The following AP2M1 variants were observed in gnomAD, a reference collection of about 807,000 sequenced individuals.
AP2M1 encodes AP-2 complex subunit mu.
Under a neutral mutation model 54.5 loss-of-function variants are expected in AP2M1, and 5 were observed. The observed-to-expected ratio is 0.09, with a 90% CI of 0.05 to 0.19. AP2M1 has a LOEUF of 0.19. AP2M1 is among the 10% of genes least tolerant of loss of function. The probability of loss-of-function intolerance (pLI) is 1.00; values close to 1 mark genes in which losing one functional copy is unlikely to be tolerated. For missense variants in AP2M1, 178 were observed against 580.2 expected, an observed-to-expected ratio of 0.31 and a Z score of 7.12; for synonymous variants, 186 against 208.2, an observed-to-expected ratio of 0.89 and a Z score of 0.92.
chr3:184,180,806 C>T lies in AP2M1; in HGVS notation c.430-43C>T. ...GATAGAGACAGGATGATTAAAGGGA[C>T]AGAGGAGTGAGGCCATTGCTGTTTG... On this transcript the variant is annotated intron_variant, in intron 5 of 11. Transcript: ENST00000292807. The surrounding 1 kb of genome is among the most constrained non-coding windows in gnomAD (Gnocchi z 4.9). The T allele has an allele frequency of 6.2e-7, 1 of 1,614,190 alleles. No homozygotes were observed. The highest frequency in any genetic ancestry group is 8.5e-7 in the Non-Finnish European group (1 of 1,180,042).
intron 3 of AP2M1, 82 bp downstream of exon 3, chr3:184,179,204 C>T: frequency 1.3e-6 from 2 of 1,523,930 alleles, no homozygotes; most frequent in Non-Finnish European, 9.0e-7. Context: ...GGGTGTAGGT[C>T]CGAGGCTCTG....
In AP2M1 at chr3:184,181,255, A is replaced by G. The variant is rs1376689824; in HGVS notation, c.707+29A>G. 1.2e-6 allele frequency: 2 copies of G among 1,613,166 alleles called. No individual in the cohort carries two copies. The highest frequency in any genetic ancestry group is 1.7e-6 in the Non-Finnish European group (2 of 1,179,720). ...CCTGAGGCAGGAGAGCTGGTGGGAG[A>G]GGGTGTCCCTTGGAGGGCTCAGTGG... On this transcript the variant is annotated intron_variant, in intron 7 of 11. Coordinates refer to ENST00000292807, the MANE Select transcript of AP2M1 (RefSeq NM_004068.4). This position sits in a 1 kb window ranked among gnomAD's most constrained non-coding sequence, Gnocchi z 5.7.
rs545187978 is a variant in AP2M1 at position 184,180,503 on chromosome 3, G to A, written c.424-142G>A. 2.2e-6 allele frequency: 3 copies of A among 1,342,558 alleles called. No individual in the cohort carries two copies. In the African/African-American group the frequency reaches 4.4e-5, roughly 20 times the overall value. 83.2% of individuals were successfully genotyped at this position (1,342,558 alleles called of 1,614,324 possible). A position where few individuals can be genotyped will look rare whatever the true frequency, so the allele number is the denominator to read the frequency against. ...TTTTGCACTGAGGGGTGGGGGAGGA[G>A]GCCTGGTCTTGAGGCCTGGTATTCC... On this transcript the variant is annotated intron_variant, in intron 4 of 11. Transcript: ENST00000292807. This position sits in a 1 kb window ranked among gnomAD's most constrained non-coding sequence, Gnocchi z 4.9.
chr3:184,175,052 C>T (rs1385433814), intron 1 of AP2M1, 93 bp downstream of exon 1: 2 of 397,502 alleles, frequency 5.0e-6, no homozygotes, highest in Non-Finnish European at 8.9e-6. Context: ...ACTGAGCTGG[C>T]GGAAAGCTGC....
chr3:184,180,030 A>C lies in AP2M1; in HGVS notation c.341-139A>C, dbSNP rs1267270346. The C allele has an allele frequency of 1.4e-6, 1 of 722,696 alleles. No homozygotes were observed. Among genetic ancestry groups the C allele is most frequent in the African/African-American group, 1.8e-5 (1 of 55,972 alleles). The allele number at this position is 722,696 out of a possible 1,614,324, so 44.8% of individuals were successfully genotyped here. On this transcript the variant is annotated intron_variant, in intron 3 of 11. Coordinates refer to ENST00000292807, the MANE Select transcript of AP2M1 (RefSeq NM_004068.4). The surrounding 1 kb of genome is among the most constrained non-coding windows in gnomAD (Gnocchi z 4.9). ...CTGTAAAGCACAAATCACAGAATAA[A>C]TGCTACAAAGCTAGAAGACTTTCTT...
At position 184,183,330 on chromosome 3, in the gene AP2M1, C is replaced by G; in HGVS notation, c.1174-152C>G. 2 of 1,172,314 alleles carry G rather than the reference C, an allele frequency of 1.7e-6. No individual in the cohort carries two copies. Among genetic ancestry groups the G allele is most frequent in the Non-Finnish European group, 2.4e-6 (2 of 830,556 alleles). 72.6% of individuals were successfully genotyped at this position (1,172,314 alleles called of 1,614,324 possible). ...GTAGGGCTTTCTTCTTTAGTCACCT[C>G]TTAGAAGGTCCCACGCCGCCCCAGC... On this transcript the variant is annotated intron_variant, in intron 11 of 11. Coordinates refer to ENST00000292807, the MANE Select transcript of AP2M1 (RefSeq NM_004068.4). The surrounding 1 kb of genome is among the most constrained non-coding windows in gnomAD (Gnocchi z 5.7).
intron 3 of AP2M1, 35 bp downstream of exon 3, chr3:184,179,157 G>A: frequency 6.2e-7 from 1 of 1,604,432 alleles, no homozygotes; most frequent in Non-Finnish European, 8.5e-7. Context: ...AGCGGGCGTA[G>A]GGTGGGAAAA....
At chr3:184,177,520 T>A in intron 2 of AP2M1, 1 of 1,534,296 alleles carries the variant, frequency 6.5e-7, no homozygotes, top group East Asian at 2.4e-5. Context: ...GGCTGCCCAA[T>A]CCTCTCCTGC....
rs1715273010 is a variant in AP2M1, at chr3:184,181,511, GCC to G, written c.708-182_708-181del. On this transcript the variant is annotated intron_variant, in intron 7 of 11. Coordinates refer to ENST00000292807, the MANE Select transcript of AP2M1 (RefSeq NM_004068.4). This position sits in a 1 kb window ranked among gnomAD's most constrained non-coding sequence, Gnocchi z 5.7. Reference sequence around the variant, plus strand: ...AACACCCAGGTCCCTAGCAGAAGGAGCCCCAAGAGATGAGCTTGCAAGGCTTC... The same window carrying G: ...AACACCCAGGTCCCTAGCAGAAGGAGCCAAGAGATGAGCTTGCAAGGCTTC... 1 of 893,982 alleles carries G rather than the reference GCC, an allele frequency of 1.1e-6. No homozygotes were observed. Among genetic ancestry groups the G allele is most frequent in the African/African-American group, 1.7e-5 (1 of 59,390 alleles). The allele number at this position is 893,982 out of a possible 1,614,324, so 55.4% of individuals were successfully genotyped here. A position where few individuals can be genotyped will look rare whatever the true frequency, so the allele number is the denominator to read the frequency against.
At chr3:184,179,307 C>A (rs542253085) in intron 3 of AP2M1, 185 bp downstream of exon 3, 533 of 727,326 alleles carry the variant, frequency 7.3e-4, no homozygotes, top group Non-Finnish European at 1.1e-3. Context: ...GACCTGAAGG[C>A]TGGTCTGAAG....
In AP2M1 at chr3:184,177,012, A is replaced by G. The variant is rs1288870682; in HGVS notation, c.19A>G (p.Ile7Val). The G allele has an allele frequency of 1.9e-6, 3 of 1,613,826 alleles. No individual in the cohort carries two copies. The highest frequency in any genetic ancestry group is 2.5e-6 in the Non-Finnish European group (3 of 1,179,950). ...TGCCGCCATGATTGGAGGCTTATTC[A>G]TCTATAATCACAAGGGGGAGGTGCT... MIGGLF[I>V]YNHKGEVLIS... The change falls in exon 2 of 12, where the codon ATC becomes GTC. Residue 7 changes from isoleucine (I) to valine (V), a missense_variant. By Grantham distance (29) the Ile-to-Val change is conservative. Around this residue, in one of 5 missense-constraint regions of AP2M1, gnomAD observed 115 missense variants for 331.2 expected, o/e 0.35. Transcript: ENST00000292807.
rs942083161 is a variant in AP2M1, at chr3:184,183,441, T to C, written c.1174-41T>C. 6.2e-7 allele frequency: 1 copy of C among 1,612,590 alleles called. No homozygotes were observed. Among genetic ancestry groups the C allele is most frequent in the Non-Finnish European group, 8.5e-7 (1 of 1,179,332 alleles). On this transcript the variant is annotated intron_variant, in intron 11 of 11. Coordinates refer to ENST00000292807, the MANE Select transcript of AP2M1 (RefSeq NM_004068.4). The surrounding 1 kb of genome is among the most constrained non-coding windows in gnomAD (Gnocchi z 5.7). ...GGGACTTCCCAGAGGAGAGCGGCTG[T>C]AAGAGGAAGGCCACATTTCTAACTA...
chr3:184,179,325 CAG>C, intron 3 of AP2M1: 2 of 636,172 alleles, frequency 3.1e-6, no homozygotes, highest in Non-Finnish European at 5.3e-6. Flanking sequence ...AAGTAGAACA[CAG>C]AAATAGGCCA....
intron 1 of AP2M1, chr3:184,176,692 G>A (rs909450440): frequency 2.4e-5 from 11 of 455,544 alleles, no homozygotes; most frequent in Admixed American, 1.7e-4. Context: ...GGGGGTTACT[G>A]ATGCTCAGCC....
chr3:184,175,006 T>A (rs1452101478), intron 1 of AP2M1, 47 bp downstream of exon 1: 2 of 398,024 alleles, frequency 5.0e-6, no homozygotes, highest in Non-Finnish European at 8.9e-6. Flanking sequence ...ACGCTGCGGG[T>A]CGTCTGCCTC....
At chr3:184,179,251 C>T in intron 3 of AP2M1, 129 bp downstream of exon 3, 1 of 1,240,920 alleles carries the variant, frequency 8.1e-7, no homozygotes, top group Non-Finnish European at 1.1e-6. Flanking sequence ...TATTTGGTCT[C>T]TTGGGCTAGG....
intron 3 of AP2M1, chr3:184,179,389 C>T (rs1715195054): frequency 4.3e-6 from 2 of 470,326 alleles, no homozygotes; most frequent in East Asian, 3.9e-5. Flanking sequence ...GGTGGCTGAA[C>T]CTCCTGTATT....
Position 184,176,976 on chromosome 3 carries a change from G to C in AP2M1, c.-18G>C, listed in dbSNP as rs752850608. The C allele has an allele frequency of 5.0e-6, 8 of 1,613,220 alleles. No homozygotes were observed. The highest frequency in any genetic ancestry group is 6.8e-6 in the Non-Finnish European group (8 of 1,179,752). ...GTCTGTTCTCAGAGCGATGGGCCGC[G>C]GAGACTGATCTGCCGCCATGATTGG... On this transcript the variant is annotated 5_prime_UTR_variant, in exon 2 of 12. Coordinates refer to ENST00000292807, the MANE Select transcript of AP2M1 (RefSeq NM_004068.4).
In AP2M1 at chr3:184,178,150, C is replaced by T. The variant is rs1033156172; in HGVS notation, c.75-707C>T. 2 of 1,498,008 alleles carry T rather than the reference C, an allele frequency of 1.3e-6. No homozygotes were observed. The highest frequency in any genetic ancestry group is 1.7e-4 in the Middle Eastern group (1 of 5,922). The allele number at this position is 1,498,008 out of a possible 1,614,324, so 92.8% of individuals were successfully genotyped here. On this transcript the variant is annotated intron_variant, in intron 2 of 11. Transcript: ENST00000292807. The surrounding 1 kb of genome is among the most constrained non-coding windows in gnomAD (Gnocchi z 4.9). Reference sequence around the variant, plus strand: ...GTGTGTTGTGTGTCTAACCCTCTCTCTCGTTGCTATCACTCTCCTCTTCTT... The same window carrying T: ...GTGTGTTGTGTGTCTAACCCTCTCTTTCGTTGCTATCACTCTCCTCTTCTT...
Sources: gnomAD v4.1 joint callset for allele counts on GRCh38, gnomAD v4.1.1 for gene constraint, gnomAD v4.1.1 regional missense constraint, Gnocchi (gnomAD v3.1) non-coding constraint, MANE v1.5 for transcripts, NCBI Gene and HGNC (gene_info 2026-07-23, HGNC 2026-07-21) for gene names.